SUMF1: variants seen among roughly 807,000 people sequenced by gnomAD.
SUMF1 encodes sulfatase modifying factor 1.
Under a neutral mutation model 47.6 loss-of-function variants are expected in SUMF1, and 48 were observed. The ratio of observed to expected loss-of-function variants is 1.01; its 90% CI spans 0.80 to 1.28. The LOEUF (loss-of-function observed/expected upper bound fraction) is 1.28. Among genes scored for constraint, SUMF1 ranks in the 50% most tolerant of loss-of-function variants. The pLI is 0.00. For missense variants in SUMF1, 571 were observed against 485.4 expected, an observed-to-expected ratio of 1.18 and a Z score of -1.66; for synonymous variants, 230 against 192.1, an observed-to-expected ratio of 1.20 and a Z score of -1.63.
chr3:4,273,138 A>G (rs1697336915), intron 8 of SUMF1, among the ~76,000 whole-genome samples: 1 of 150,110 alleles, frequency 6.7e-6, no homozygotes, highest in South Asian at 2.1e-4. Flanking sequence ...ATATATATAT[A>G]TAGAATTTAC....
intron 7 of SUMF1, among the ~76,000 whole-genome samples, chr3:4,406,677 AC>A (rs1322824226): frequency 6.6e-6 from 1 of 152,144 alleles, no homozygotes; most frequent in African/African-American, 2.4e-5. Flanking sequence ...ACAAAATAAA[AC>A]AAAAACAAAA....
chr3:4,106,460 G>GT (rs1693160621), intron 8 of SUMF1, among the ~76,000 whole-genome samples: 1 of 152,106 alleles, frequency 6.6e-6, no homozygotes, highest in African/African-American at 2.4e-5. Context: ...ATGCCTCATT[G>GT]TAGGTAATAG....
intron 8 of SUMF1, among the ~76,000 whole-genome samples, chr3:4,243,007 G>C (rs754321899): frequency 6.6e-6 from 1 of 151,362 alleles, no homozygotes; most frequent in Non-Finnish European, 1.5e-5. Flanking sequence ...TCTTGGGAGG[G>C]TGTATGTATC....
At chr3:4,375,899 G>A (rs768454358) in intron 8 of SUMF1, among the ~76,000 whole-genome samples, 2 of 152,242 alleles carry the variant, frequency 1.3e-5, no homozygotes, top group East Asian at 1.9e-4. Context: ...CCTAGAACAC[G>A]GGATGCTTCC....
chr3:4,282,273 A>G (rs1395842831), intron 8 of SUMF1, among the ~76,000 whole-genome samples: 2 of 152,182 alleles, frequency 1.3e-5, no homozygotes, highest in African/African-American at 2.4e-5. Context: ...GATGAATACA[A>G]GGGAAAAAGC....
chr3:4,277,994 G>A (rs1162406897), intron 8 of SUMF1, among the ~76,000 whole-genome samples: 2 of 152,064 alleles, frequency 1.3e-5, no homozygotes, highest in Non-Finnish European at 2.9e-5. Context: ...ATTATGTAGA[G>A]AATGTTTGAA....
intron 8 of SUMF1, among the ~76,000 whole-genome samples, chr3:4,188,211 T>A (rs1695244226): frequency 6.6e-6 from 1 of 151,642 alleles, no homozygotes; most frequent in South Asian, 2.1e-4. Flanking sequence ...AGTCTCACTC[T>A]GTTACGCAGG....
chr3:4,203,677 T>C (rs1695587558), intron 8 of SUMF1, among the ~76,000 whole-genome samples: 3 of 152,028 alleles, frequency 2.0e-5, no homozygotes, highest in Non-Finnish European at 4.4e-5. Context: ...CCTTCCTTTC[T>C]TCCTGTCTTC....
chr3:4,461,440 T>C (rs527404528), intron 1 of SUMF1, among the ~76,000 whole-genome samples: 1 of 152,346 alleles, frequency 6.6e-6, no homozygotes, highest in South Asian at 2.1e-4. Flanking sequence ...GAAAAAGCTT[T>C]CCTGTGGCAA....
intron 8 of SUMF1, among the ~76,000 whole-genome samples, chr3:4,286,424 T>C (rs896857425): frequency 2.6e-5 from 4 of 152,112 alleles, no homozygotes; most frequent in African/African-American, 9.6e-5. Context: ...AAAGTCTTTT[T>C]ATGCTGTGCA....
chr3:4,417,927 G>C, intron 5 of SUMF1, 83 bp downstream of exon 5: 1 of 1,604,864 alleles, frequency 6.2e-7, no homozygotes, highest in Admixed American at 1.7e-5. Flanking sequence ...TCTAACCAAA[G>C]TAAGTTCCAT....
chr3:4,320,930 T>C (rs1390358399), intron 8 of SUMF1, among the ~76,000 whole-genome samples: 1 of 152,194 alleles, frequency 6.6e-6, no homozygotes, highest in Non-Finnish European at 1.5e-5. Flanking sequence ...TTCAATTTCC[T>C]TTAATTCTAA....
chr3:4,126,257 A>G (rs1180049663), intron 8 of SUMF1, among the ~76,000 whole-genome samples: 2 of 151,228 alleles, frequency 1.3e-5, no homozygotes, highest in Non-Finnish European at 2.9e-5. Flanking sequence ...GTAGGACTGT[A>G]TATGTCAGCT....
chr3:4,238,539 T>A (rs187493960), intron 8 of SUMF1, among the ~76,000 whole-genome samples: 2 of 152,186 alleles, frequency 1.3e-5, no homozygotes, highest in African/African-American at 4.8e-5. Context: ...GACGATGAGT[T>A]TTTCATATGT....
At chr3:4,117,484 CTTG>C (rs567338073) in intron 8 of SUMF1, among the ~76,000 whole-genome samples, 24 of 152,172 alleles carry the variant, frequency 1.6e-4, no homozygotes, top group African/African-American at 5.3e-4. Context: ...TTTTCTGGAA[CTTG>C]TTTTCTTAGT....
chr3:4,055,823 C>T (rs1027676695), intron 9 of SUMF1, among the ~76,000 whole-genome samples: 1 of 152,162 alleles, frequency 6.6e-6, no homozygotes, highest in African/African-American at 2.4e-5. Flanking sequence ...AAATGGAGTT[C>T]ACTGGGCTAT....
At chr3:4,346,344 C>A (rs1699373588) in intron 8 of SUMF1, among the ~76,000 whole-genome samples, 1 of 152,144 alleles carries the variant, frequency 6.6e-6, no homozygotes, top group South Asian at 2.1e-4. Flanking sequence ...GACCACAGTG[C>A]AATCAAACTA....
At chr3:4,168,363 A>T (rs971724998) in intron 8 of SUMF1, among the ~76,000 whole-genome samples, 1 of 152,168 alleles carries the variant, frequency 6.6e-6, no homozygotes, top group Admixed American at 6.5e-5. Context: ...GATAAATATA[A>T]AACTCTTTAG....
chr3:4,347,720 T>C (rs559223075), intron 8 of SUMF1, among the ~76,000 whole-genome samples: 23 of 152,250 alleles, frequency 1.5e-4, no homozygotes, highest in Non-Finnish European at 3.2e-4. Flanking sequence ...GGGTATTCAA[T>C]AGGAAGAGAG....
Sources: gnomAD v4.1 joint callset for allele counts (sites outside exome capture counted in the v4.1 genomes callset) on GRCh38, gnomAD v4.1.1 for gene constraint, MANE v1.5 for transcripts, NCBI Gene and HGNC (gene_info 2026-07-23, HGNC 2026-07-21) for gene names.